ADAMTS3: variants seen among roughly 807,000 people sequenced by gnomAD.
The protein encoded by ADAMTS3 is ADAM metallopeptidase with thrombospondin type 1 motif 3.
In ADAMTS3, 73 loss-of-function variants were observed where a neutral mutation model predicts 129.0. That is an observed-to-expected ratio of 0.57 (90% CI 0.47 to 0.69). The LOEUF is 0.69. ADAMTS3 is among the 30% of genes least tolerant of loss of function. The pLI, the probability that ADAMTS3 is intolerant of heterozygous loss-of-function variation, is 0.00. For synonymous variants in ADAMTS3, 477 were observed against 510.8 expected, an observed-to-expected ratio of 0.93 and a Z score of 0.89; for missense variants, 1,457 against 1,514.5, an observed-to-expected ratio of 0.96 and a Z score of 0.63.
At position 72,282,261 on chromosome 4, in the gene ADAMTS3, G is replaced by A. The variant is rs1018998333; in HGVS notation, c.*875C>T. 6.6e-6 allele frequency: 1 copy of A among 152,108 alleles called. No homozygotes were observed. The highest frequency in any genetic ancestry group is 2.4e-5 in the African/African-American group (1 of 41,404). The allele number at this position is 152,108 out of a possible 1,614,324, so 9.4% of individuals were successfully genotyped here. On this transcript the variant is annotated 3_prime_UTR_variant, in exon 22 of 22. Coordinates refer to ENST00000286657, the MANE Select transcript of ADAMTS3 (RefSeq NM_014243.3). ...GGACACCTCAACGGTGCCTACTGAGGTCCTGGAAAGAGGGTTTCAGTTTTG... is the reference window on the plus strand; with the variant it reads ...GGACACCTCAACGGTGCCTACTGAGATCCTGGAAAGAGGGTTTCAGTTTTG...
chr4:72,547,067 C>T (rs140321992), intron 3 of ADAMTS3, among the ~76,000 whole-genome samples: 166 of 152,214 alleles, frequency 1.1e-3, no homozygotes, highest in African/African-American at 3.9e-3. Context: ...TGAAAAGAAC[C>T]TATTATTAAC....
intron 3 of ADAMTS3, among the ~76,000 whole-genome samples, chr4:72,533,233 T>C (rs1721090221): frequency 6.6e-6 from 1 of 152,298 alleles, no homozygotes; most frequent in East Asian, 1.9e-4. Context: ...TAAACTTTTT[T>C]GTTAAAAATG....
At chr4:72,480,110 G>C (rs200057209) in intron 3 of ADAMTS3, among the ~76,000 whole-genome samples, 3 of 152,204 alleles carry the variant, frequency 2.0e-5, no homozygotes, top group Non-Finnish European at 2.9e-5. Flanking sequence ...CTGTAAACGA[G>C]TTCAACCATT....
intron 21 of ADAMTS3, among the ~76,000 whole-genome samples, chr4:72,288,304 A>G (rs1274871871): frequency 6.6e-6 from 1 of 152,218 alleles, no homozygotes; most frequent in Admixed American, 6.5e-5. Context: ...TACTCTATGG[A>G]CAGACAGTTA....
chr4:72,323,321 A>G lies in ADAMTS3; in HGVS notation c.862-224T>C, dbSNP rs1235134833. On this transcript the variant is annotated intron_variant, in intron 5 of 21. Transcript: ENST00000286657. ...AAACTCCACAGTAATATGAACGTAC[A>G]GGACATGCTCAAAAGGGCTTTGTTA... 7.9e-6 allele frequency: 4 copies of G among 509,494 alleles called. No homozygotes were observed. The East Asian group carries it at 1.3e-4, about 17-fold the overall frequency. The allele number at this position is 509,494 out of a possible 1,614,324, so 31.6% of individuals were successfully genotyped here.
At chr4:72,366,421 C>G (rs1261085073) in intron 4 of ADAMTS3, among the ~76,000 whole-genome samples, 1 of 152,074 alleles carries the variant, frequency 6.6e-6, no homozygotes, top group East Asian at 1.9e-4. Flanking sequence ...ACAGTTTAAT[C>G]TAGTTTTCAG....
intron 3 of ADAMTS3, among the ~76,000 whole-genome samples, chr4:72,452,271 C>T (rs758342099): frequency 1.3e-5 from 2 of 151,034 alleles, no homozygotes; most frequent in African/African-American, 2.4e-5. Flanking sequence ...TGTTATAATA[C>T]GTATAAGTTT....
chr4:72,363,231 C>A (rs1720773655), intron 4 of ADAMTS3, among the ~76,000 whole-genome samples: 1 of 152,024 alleles, frequency 6.6e-6, no homozygotes, highest in South Asian at 2.1e-4. Flanking sequence ...TGATCCCCTA[C>A]AAGGAGATAG....
At chr4:72,359,782 T>A (rs1189641081) in intron 4 of ADAMTS3, among the ~76,000 whole-genome samples, 5 of 152,106 alleles carry the variant, frequency 3.3e-5, no homozygotes, top group Admixed American at 2.0e-4. Flanking sequence ...TGAATACACA[T>A]TACCATTTAA....
At chr4:72,551,938 A>C (rs1418297722) in intron 2 of ADAMTS3, among the ~76,000 whole-genome samples, 1 of 152,174 alleles carries the variant, frequency 6.6e-6, no homozygotes, top group African/African-American at 2.4e-5. Flanking sequence ...GCAGCCAGTC[A>C]ACCAATTTTT....
chr4:72,343,136 A>G (rs925105406), intron 4 of ADAMTS3, among the ~76,000 whole-genome samples: 1 of 152,148 alleles, frequency 6.6e-6, no homozygotes, highest in Non-Finnish European at 1.5e-5. Context: ...TAACAGTTAC[A>G]TAGCATGCTG....
chr4:72,337,100 G>A (rs1320633855), intron 5 of ADAMTS3, among the ~76,000 whole-genome samples: 1 of 152,122 alleles, frequency 6.6e-6, no homozygotes, highest in Non-Finnish European at 1.5e-5. Flanking sequence ...AAGTTGGGGA[G>A]GGAAGGGGAG....
chr4:72,532,398 G>A (rs114237034), intron 3 of ADAMTS3, among the ~76,000 whole-genome samples: 430 of 152,124 alleles, frequency 2.8e-3, no homozygotes, highest in African/African-American at 9.8e-3. Flanking sequence ...ATCATCAATA[G>A]AGCTGGCACA....
intron 5 of ADAMTS3, among the ~76,000 whole-genome samples, chr4:72,338,014 A>C (rs1232738710): frequency 6.6e-6 from 1 of 152,134 alleles, no homozygotes; most frequent in Non-Finnish European, 1.5e-5. Flanking sequence ...CTCCATAGGA[A>C]GTTTGAAATT....
chr4:72,323,125 A>G (rs1205569494), intron 5 of ADAMTS3, 28 bp from the exon 6 acceptor site: 2 of 1,559,582 alleles, frequency 1.3e-6, no homozygotes, highest in Non-Finnish European at 1.8e-6. Flanking sequence ...TAATTGCTAA[A>G]AGAAAGGAAA....
rs148561792 is a variant in ADAMTS3 at position 72,378,275 on chromosome 4, A to T, written c.661+36540T>A. 7.2e-5 allele frequency among the ~76,000 whole-genome samples: 11 copies of T among 152,296 alleles called. No homozygotes were observed. The East Asian group carries it at 1.9e-3, about 27-fold the overall frequency. On this transcript the variant is annotated intron_variant, in intron 4 of 21. Transcript: ENST00000286657. ...GAAACCATAATCCACTTTAAATTGGATATTATCAATTCAGCACAAAGAGTC... is the reference window on the plus strand; with the variant it reads ...GAAACCATAATCCACTTTAAATTGGTTATTATCAATTCAGCACAAAGAGTC...
intron 3 of ADAMTS3, among the ~76,000 whole-genome samples, chr4:72,429,149 T>C (rs1362203116): frequency 6.6e-6 from 1 of 152,072 alleles, no homozygotes; most frequent in Non-Finnish European, 1.5e-5. Context: ...AAAATTAATG[T>C]GCCAATCAAA....
chr4:72,398,124 T>G (rs901835497), intron 4 of ADAMTS3, among the ~76,000 whole-genome samples: 1 of 152,194 alleles, frequency 6.6e-6, no homozygotes, highest in African/African-American at 2.4e-5. Flanking sequence ...AACAATCTGT[T>G]GAAATTTTTA....
At chr4:72,540,657 T>C (rs1374284059) in intron 3 of ADAMTS3, among the ~76,000 whole-genome samples, 1 of 152,162 alleles carries the variant, frequency 6.6e-6, no homozygotes, top group African/African-American at 2.4e-5. Context: ...TGTCATGCTG[T>C]GTGCAGTCTA....
Sources: gnomAD v4.1 joint callset for allele counts (sites outside exome capture counted in the v4.1 genomes callset) on GRCh38, gnomAD v4.1.1 for gene constraint, MANE v1.5 for transcripts, NCBI Gene and HGNC (gene_info 2026-07-23, HGNC 2026-07-21) for gene names.